ATP6V0D1: variants seen among roughly 807,000 people sequenced by gnomAD.
ATP6V0D1 encodes the protein V-type proton ATPase subunit d 1.
In ATP6V0D1, 13 loss-of-function variants were observed where a neutral mutation model predicts 39.0. The observed-to-expected ratio is 0.33, with a 90% CI of 0.22 to 0.53. The LOEUF (loss-of-function observed/expected upper bound fraction) is 0.53. ATP6V0D1 is among the 20% of genes least tolerant of loss of function. The pLI is 0.94. For missense variants in ATP6V0D1, 272 were observed against 470.9 expected, an observed-to-expected ratio of 0.58 and a Z score of 3.91; for synonymous variants, 191 against 191.2, an observed-to-expected ratio of 1.00 and a Z score of 0.01.
intron 1 of ATP6V0D1, among the ~76,000 whole-genome samples, chr16:67,469,336 A>T (rs1276801969): frequency 6.6e-6 from 1 of 152,134 alleles, no homozygotes; most frequent in Non-Finnish European, 1.5e-5. Flanking sequence ...AATAAATAAT[A>T]AAATCGGGCT....
chr16:67,464,253 A>G (rs2041311900), intron 1 of ATP6V0D1, among the ~76,000 whole-genome samples: 1 of 152,170 alleles, frequency 6.6e-6, no homozygotes, highest in South Asian at 2.1e-4. Context: ...CCCGTTCCTG[A>G]GTTGGGGGCC....
chr16:67,457,726 C>G (rs888618621), intron 1 of ATP6V0D1: 16 of 1,057,964 alleles, frequency 1.5e-5, no homozygotes, highest in South Asian at 2.6e-5. Flanking sequence ...GCAGGCCCCC[C>G]ACTCCTGGGC....
chr16:67,464,228 C>G (rs971162009), intron 1 of ATP6V0D1, among the ~76,000 whole-genome samples: 2 of 152,128 alleles, frequency 1.3e-5, no homozygotes, highest in African/African-American at 4.8e-5. Context: ...AAACAGGGTC[C>G]TTTTTGCATG....
At chr16:67,439,401 G>A (rs1168215346) in intron 4 of ATP6V0D1, 50 bp from the exon 5 acceptor site, 1 of 1,571,244 alleles carries the variant, frequency 6.4e-7, no homozygotes, top group Non-Finnish European at 8.7e-7. Context: ...GCTCTGGAGG[G>A]CTTGCTAGGC....
At position 67,447,554 on chromosome 16, in the gene ATP6V0D1, G is replaced by A. The variant is rs2041131438; in HGVS notation, c.303-2848C>T. On this transcript the variant is annotated intron_variant, in intron 2 of 7. Coordinates refer to ENST00000290949, the MANE Select transcript of ATP6V0D1 (RefSeq NM_004691.5). This position sits in a 1 kb window ranked among gnomAD's most constrained non-coding sequence, Gnocchi z 4.1. ...CCAGCTGGTCAGCATCTCCCTCCAGGGGAAGACAGCTGGGGAGTGGAGGGC... is the reference window on the plus strand; with the variant it reads ...CCAGCTGGTCAGCATCTCCCTCCAGAGGAAGACAGCTGGGGAGTGGAGGGC... Among the ~76,000 whole-genome samples, 1 of 152,220 alleles carries A rather than the reference G, an allele frequency of 6.6e-6. No homozygotes were observed. The highest frequency in any genetic ancestry group is 2.4e-5 in the African/African-American group (1 of 41,468).
intron 1 of ATP6V0D1, among the ~76,000 whole-genome samples, chr16:67,480,735 G>A (rs1241704023): frequency 2.0e-5 from 3 of 152,164 alleles, no homozygotes; most frequent in African/African-American, 7.2e-5. Context: ...GGCCCAAGCA[G>A]AGGCGAACAA....
intron 1 of ATP6V0D1, among the ~76,000 whole-genome samples, chr16:67,473,832 T>C (rs763846415): frequency 1.3e-5 from 2 of 152,186 alleles, no homozygotes; most frequent in Non-Finnish European, 2.9e-5. Flanking sequence ...CAATTTTTTG[T>C]ATTTTTAGTA....
chr16:67,438,732 CAG>C lies in ATP6V0D1; in HGVS notation c.895-45_895-44del. 5 of 1,614,190 alleles carry C rather than the reference CAG, an allele frequency of 3.1e-6. No individual in the cohort carries two copies. In the South Asian group the frequency reaches 3.3e-5, roughly 11 times the overall value. On this transcript the variant is annotated intron_variant, in intron 7 of 7. Coordinates refer to ENST00000290949, the MANE Select transcript of ATP6V0D1 (RefSeq NM_004691.5). ...TGTGGTGTCCAGGTGGCCATGGCCACAGAGTCAGGTCTAAACCACCAGGTTGG... is the reference window on the plus strand; with the variant it reads ...TGTGGTGTCCAGGTGGCCATGGCCACAGTCAGGTCTAAACCACCAGGTTGG...
In ATP6V0D1 at chr16:67,438,254, G is replaced by T. The variant is rs2040998209; in HGVS notation, c.*274C>A. On this transcript the variant is annotated 3_prime_UTR_variant, in exon 8 of 8. Coordinates refer to ENST00000290949, the MANE Select transcript of ATP6V0D1 (RefSeq NM_004691.5). ...AGTGACATGCTTCTTAGATACATCA[G>T]CGGCTGTAACCACAGGGCTGAGGGG... is the stretch of plus-strand genomic sequence containing the variant. 2.0e-6 allele frequency: 1 copy of T among 496,152 alleles called. No homozygotes were observed. The highest frequency in any genetic ancestry group is 1.9e-5 in the African/African-American group (1 of 51,556). 30.7% of individuals were successfully genotyped at this position (496,152 alleles called of 1,614,324 possible).
At chr16:67,462,326 C>T (rs1054799512) in intron 1 of ATP6V0D1, among the ~76,000 whole-genome samples, 3 of 152,214 alleles carry the variant, frequency 2.0e-5, no homozygotes, top group South Asian at 2.1e-4. Context: ...GCACTTTGAC[C>T]GAAGCAAGCT....
intron 1 of ATP6V0D1, among the ~76,000 whole-genome samples, chr16:67,462,834 A>T (rs2041299206): frequency 6.6e-6 from 1 of 151,890 alleles, no homozygotes; most frequent in South Asian, 2.1e-4. Flanking sequence ...TCTCAAAAAA[A>T]AAAAAAAAAC....
chr16:67,445,035 G>A (rs2142302398), intron 2 of ATP6V0D1, among the ~76,000 whole-genome samples: 1 of 152,350 alleles, frequency 6.6e-6, no homozygotes, highest in South Asian at 2.1e-4. Context: ...ATGGGGCACA[G>A]GAGGTGAGAC....
intron 2 of ATP6V0D1, chr16:67,452,500 G>A: frequency 2.7e-6 from 3 of 1,125,100 alleles, no homozygotes; most frequent in Non-Finnish European, 3.9e-6. Flanking sequence ...GGGCAGGTGT[G>A]CCAGGTCCCA....
chr16:67,471,346 G>A (rs761303698), intron 1 of ATP6V0D1, among the ~76,000 whole-genome samples: 3 of 151,780 alleles, frequency 2.0e-5, no homozygotes, highest in Non-Finnish European at 4.4e-5. Flanking sequence ...GCGCCACCAC[G>A]CCCGGCTAAT....
intron 1 of ATP6V0D1, among the ~76,000 whole-genome samples, chr16:67,466,329 AC>A (rs1295455613): frequency 2.3e-3 from 31 of 13,436 alleles, no homozygotes; most frequent in Non-Finnish European, 4.5e-3. Flanking sequence ...AAACACATAC[AC>A]ACACACACAC....
chr16:67,451,959 G>A (rs1457162673), intron 2 of ATP6V0D1, among the ~76,000 whole-genome samples: 1 of 152,262 alleles, frequency 6.6e-6, no homozygotes, highest in Non-Finnish European at 1.5e-5. Context: ...TCTGACCATG[G>A]GCATGGGGTC....
Position 67,453,360 on chromosome 16 carries a change from C to T in ATP6V0D1, c.302+184G>A, listed in dbSNP as rs764175991. Among the ~76,000 whole-genome samples the T allele has an allele frequency of 2.6e-5, 4 of 152,194 alleles. No homozygotes were observed. The highest frequency in any genetic ancestry group is 5.9e-5 in the Non-Finnish European group (4 of 68,022). Reference sequence around the variant, plus strand: ...GAAGTCCAGGGTTGTTGAATGACCACGCACACAGTCAGGGAGGACTCTGAA... The same window carrying T: ...GAAGTCCAGGGTTGTTGAATGACCATGCACACAGTCAGGGAGGACTCTGAA... On this transcript the variant is annotated intron_variant, in intron 2 of 7. Coordinates refer to ENST00000290949, the MANE Select transcript of ATP6V0D1 (RefSeq NM_004691.5). This position sits in a 1 kb window ranked among gnomAD's most constrained non-coding sequence, Gnocchi z 4.1.
At chr16:67,467,690 C>T (rs1314409065) in intron 1 of ATP6V0D1, among the ~76,000 whole-genome samples, 1 of 152,206 alleles carries the variant, frequency 6.6e-6, no homozygotes, top group Non-Finnish European at 1.5e-5. Context: ...TGCCTGATGC[C>T]TGGCTCCACA....
chr16:67,454,338 G>A (rs1224420278), intron 1 of ATP6V0D1, among the ~76,000 whole-genome samples: 1 of 152,174 alleles, frequency 6.6e-6, no homozygotes, highest in Non-Finnish European at 1.5e-5. Flanking sequence ...ATGCGGGGGA[G>A]GTGAGGCTGG....
Sources: gnomAD v4.1 joint callset for allele counts (sites outside exome capture counted in the v4.1 genomes callset) on GRCh38, gnomAD v4.1.1 for gene constraint, Gnocchi (gnomAD v3.1) non-coding constraint, MANE v1.5 for transcripts, NCBI Gene and HGNC (gene_info 2026-07-23, HGNC 2026-07-21) for gene names.